The following KCNH5 variants were observed in gnomAD, a reference collection of about 807,000 sequenced individuals.
The protein encoded by KCNH5 is potassium voltage-gated channel subfamily H member 5, also known as voltage-gated delayed rectifier potassium channel KCNH5.
Under a neutral mutation model 96.1 loss-of-function variants are expected in KCNH5, and 46 were observed. The observed-to-expected ratio is 0.48, with a 90% CI of 0.38 to 0.61. The LOEUF (loss-of-function observed/expected upper bound fraction) is 0.61, where lower values mean the gene tolerates loss of function less well. KCNH5 is among the 20% of genes least tolerant of loss of function. The pLI is 0.00. For synonymous variants in KCNH5, 439 were observed against 449.8 expected, an observed-to-expected ratio of 0.98 and a Z score of 0.30; for missense variants, 907 against 1,225.8, an observed-to-expected ratio of 0.74 and a Z score of 3.88.
chr14:62,762,313 C>T (rs1003984317), intron 10 of KCNH5, among the ~76,000 whole-genome samples: 7 of 152,152 alleles, frequency 4.6e-5, no homozygotes, highest in African/African-American at 7.2e-5. Flanking sequence ...TCTAGCCTCC[C>T]GTGTGGTCCC....
intron 10 of KCNH5, among the ~76,000 whole-genome samples, chr14:62,725,644 T>C (rs2139918257): frequency 6.6e-6 from 1 of 152,266 alleles, no homozygotes; most frequent in South Asian, 2.1e-4. Flanking sequence ...ACACATACTA[T>C]GCACAGGGAA....
At chr14:62,936,980 C>CAAAAA (rs5809179) in intron 7 of KCNH5, among the ~76,000 whole-genome samples, 10 of 62,220 alleles carry the variant, frequency 1.6e-4, no homozygotes, top group East Asian at 5.3e-4. Context: ...GACTCCATCT[C>CAAAAA]AAAAAAAAAA....
intron 7 of KCNH5, among the ~76,000 whole-genome samples, chr14:62,940,165 C>A (rs2073717758): frequency 1.3e-5 from 2 of 152,160 alleles, no homozygotes; most frequent in South Asian, 4.1e-4. Context: ...CGTGCCAAAT[C>A]TGATCTGCCA....
At chr14:62,712,609 G>C in intron 10 of KCNH5, 1 of 744,020 alleles carries the variant, frequency 1.3e-6, no homozygotes, top group South Asian at 1.4e-5. Flanking sequence ...ACTTTCTCCT[G>C]GACTCCGTGA....
At chr14:62,934,272 G>A (rs1024748455) in intron 7 of KCNH5, among the ~76,000 whole-genome samples, 7 of 151,864 alleles carry the variant, frequency 4.6e-5, no homozygotes, top group Admixed American at 1.3e-4. Flanking sequence ...GACTACAGGC[G>A]CAAATTTCTT....
rs537637800 is a variant in KCNH5 at position 62,753,223 on chromosome 14, TCA to T, written c.2019+26503_2019+26504del. Among the ~76,000 whole-genome samples, 27 of 152,272 alleles carry T rather than the reference TCA, an allele frequency of 1.8e-4. No individual in the cohort carries two copies. In the South Asian group the frequency reaches 5.2e-3, roughly 29 times the overall value. ...TGCAAATGACATACTGATGAATGCA[TCA>T]CAGTCTCTTAATAGCAGAATTGATC... is the stretch of plus-strand genomic sequence containing the variant. On this transcript the variant is annotated intron_variant, in intron 10 of 10. Transcript: ENST00000322893.
chr14:62,759,573 A>ATATATATATATATATTTTTTTTTTT (rs1171935428), intron 10 of KCNH5, among the ~76,000 whole-genome samples: 5 of 151,196 alleles, frequency 3.3e-5, no homozygotes, highest in Non-Finnish European at 5.9e-5. Context: ...CGTAGGGTAT[A>ATATATATATATATATTTTTTTTTTT]TTTTTTAATA....
chr14:62,944,431 C>G (rs1388926480), intron 7 of KCNH5, among the ~76,000 whole-genome samples: 1 of 151,974 alleles, frequency 6.6e-6, no homozygotes, highest in Non-Finnish European at 1.5e-5. Flanking sequence ...AACCCTGGCA[C>G]AAGTGAAAAA....
At chr14:62,741,107 G>A (rs1296160652) in intron 10 of KCNH5, among the ~76,000 whole-genome samples, 1 of 152,094 alleles carries the variant, frequency 6.6e-6, no homozygotes, top group African/African-American at 2.4e-5. Context: ...TATAATGACT[G>A]CTATGTAAAG....
At chr14:62,709,667 T>A (rs1464024308) in intron 10 of KCNH5, among the ~76,000 whole-genome samples, 1 of 152,238 alleles carries the variant, frequency 6.6e-6, no homozygotes, top group Non-Finnish European at 1.5e-5. Context: ...AGCATCATTT[T>A]ATTTAAAATG....
At chr14:62,870,269 T>C (rs1033665807) in intron 7 of KCNH5, among the ~76,000 whole-genome samples, 6 of 152,208 alleles carry the variant, frequency 3.9e-5, no homozygotes, top group Non-Finnish European at 7.3e-5. Flanking sequence ...ATGCATTTCA[T>C]AAAGTGATGG....
chr14:63,032,915 G>T (rs1246809049), intron 1 of KCNH5, among the ~76,000 whole-genome samples: 3 of 152,010 alleles, frequency 2.0e-5, no homozygotes, highest in Non-Finnish European at 4.4e-5. Context: ...CCATCTCAAG[G>T]ATATCTTCCC....
At chr14:62,771,856 G>A (rs1330827477) in intron 10 of KCNH5, among the ~76,000 whole-genome samples, 1 of 152,106 alleles carries the variant, frequency 6.6e-6, no homozygotes, top group Non-Finnish European at 1.5e-5. Context: ...GCAGAGTCAT[G>A]GAGTGAAAAG....
At chr14:62,811,053 A>G (rs566480680) in intron 8 of KCNH5, among the ~76,000 whole-genome samples, 33 of 152,080 alleles carry the variant, frequency 2.2e-4, no homozygotes, top group Non-Finnish European at 3.8e-4. Context: ...ACCATTTTTC[A>G]GAATTCTGCA....
chr14:62,920,643 A>T (rs918498696), intron 7 of KCNH5, among the ~76,000 whole-genome samples: 1 of 152,170 alleles, frequency 6.6e-6, no homozygotes, highest in Non-Finnish European at 1.5e-5. Flanking sequence ...TGCTTGAAAC[A>T]AACTGATTTA....
Position 62,838,468 on chromosome 14 carries a change from A to G in KCNH5, c.1569+11185T>C, listed in dbSNP as rs371977861. 1.7e-4 allele frequency among the ~76,000 whole-genome samples: 26 copies of G among 152,186 alleles called. 2 individuals carry two copies. Among genetic ancestry groups the G allele is most frequent in the Admixed American group, 1.3e-3 (20 of 15,270 alleles). The stretch of plus-strand genomic sequence containing the variant: ...ATCTAAGCAACCTGAACTTGTTTTC[A>G]GATGGTCTCTGCTGAATGGTTGAAC... On this transcript the variant is annotated intron_variant, in intron 8 of 10. Coordinates refer to ENST00000322893, the MANE Select transcript of KCNH5 (RefSeq NM_139318.5).
chr14:62,955,597 C>A (rs2140134393), intron 6 of KCNH5, among the ~76,000 whole-genome samples: 1 of 152,314 alleles, frequency 6.6e-6, no homozygotes, highest in South Asian at 2.1e-4. Flanking sequence ...CTGAAAGTCT[C>A]TATACCTAGA....
At chr14:62,711,503 G>A (rs746598595) in intron 10 of KCNH5, among the ~76,000 whole-genome samples, 1 of 152,108 alleles carries the variant, frequency 6.6e-6, no homozygotes, top group African/African-American at 2.4e-5. Context: ...TTTTACGCCC[G>A]GGAGATAGGA....
intron 7 of KCNH5, among the ~76,000 whole-genome samples, chr14:62,921,039 T>C (rs1889371844): frequency 6.6e-6 from 1 of 152,176 alleles, no homozygotes; most frequent in Non-Finnish European, 1.5e-5. Flanking sequence ...TGTTTTTGTA[T>C]GGCTCTCTCT....
Sources: allele counts gnomAD v4.1 joint callset (sites outside exome capture counted in the v4.1 genomes callset), GRCh38; gene constraint gnomAD v4.1.1; transcripts MANE v1.5; gene names NCBI Gene and HGNC (gene_info 2026-07-23, HGNC 2026-07-21).